CDON: variants seen among roughly 807,000 people sequenced by gnomAD.
CDON encodes cell adhesion molecule-related/down-regulated by oncogenes.
Under a neutral mutation model 120.9 loss-of-function variants are expected in CDON, and 73 were observed. The ratio of observed to expected loss-of-function variants is 0.60; its 90% CI spans 0.50 to 0.73. The LOEUF is 0.73. Among genes scored for constraint, CDON ranks in the 30% least tolerant of loss-of-function variants. The probability of loss-of-function intolerance (pLI) is 0.00; values close to 1 mark genes in which losing one functional copy is unlikely to be tolerated. For synonymous variants in CDON, 566 were observed against 573.5 expected, an observed-to-expected ratio of 0.99 and a Z score of 0.19; for missense variants, 1,470 against 1,587.3, an observed-to-expected ratio of 0.93 and a Z score of 1.26.
At chr11:125,996,295 A>C (rs1946780784) in intron 12 of CDON, among the ~76,000 whole-genome samples, 1 of 152,170 alleles carries the variant, frequency 6.6e-6, no homozygotes, top group Non-Finnish European at 1.5e-5. Flanking sequence ...ATTATGGTAT[A>C]TTTATTTATA....
chr11:126,024,352 C>T (rs756527738), intron 1 of CDON, among the ~76,000 whole-genome samples: 6 of 152,122 alleles, frequency 3.9e-5, no homozygotes, highest in Non-Finnish European at 8.8e-5. Context: ...CTGTAATCAC[C>T]CCGGAGACAG....
In CDON at chr11:125,984,002, T is replaced by G. The variant is rs1946388101; in HGVS notation, c.2865A>C (p.Ala955=). 6.2e-7 allele frequency: 1 copy of G among 1,614,112 alleles called. No individual in the cohort carries two copies. Among genetic ancestry groups the G allele is most frequent in the African/African-American group, 1.3e-5 (1 of 75,030 alleles). ...SLGSGGNVGP[A]TSPARSSDML... ...TGTCACTGCTTCTGGCAGGGCTGGT[T>G]GCAGGCCCCACATTTCCTCCACTTC... The change falls in exon 16 of 20, where the codon GCA becomes GCC. Residue 955 remains alanine, a synonymous_variant. Transcript: ENST00000531738.
intron 1 of CDON, among the ~76,000 whole-genome samples, chr11:126,038,135 C>T (rs1054100024): frequency 4.6e-5 from 7 of 152,034 alleles, no homozygotes; most frequent in African/African-American, 1.4e-4. Context: ...CAGTAGGAGA[C>T]GTGAAGTTCA....
At chr11:126,059,264 G>A (rs1463845480) in intron 1 of CDON, among the ~76,000 whole-genome samples, 3 of 152,132 alleles carry the variant, frequency 2.0e-5, no homozygotes, top group South Asian at 2.1e-4. Flanking sequence ...CTTGTGCTTC[G>A]GAGGGAAAGC....
chr11:125,977,027 C>A (rs968383786), intron 18 of CDON, among the ~76,000 whole-genome samples: 1 of 152,196 alleles, frequency 6.6e-6, no homozygotes, highest in East Asian at 1.9e-4. Flanking sequence ...TTAAGCAAGA[C>A]CACTTGTAAC....
chr11:126,010,344 C>T lies in CDON; in HGVS notation c.1549G>A (p.Val517Ile). The change falls in exon 8 of 20, where the codon GTT becomes ATT. Residue 517 changes from valine (V) to isoleucine (I), a missense_variant. By Grantham distance (29) the Val-to-Ile change is conservative (BLOSUM62 3). Transcript: ENST00000531738. The part of the protein sequence containing the change: ...GTTQAEASLM[V>I]VPFETNTKAE... ...ATAAATAATAATGGCAACTCACCAA[C>T]CATGAGAGATGCTTCTGCCTGTGTG... 6.3e-7 allele frequency: 1 copy of T among 1,599,574 alleles called. No homozygotes were observed. Among genetic ancestry groups the T allele is most frequent in the Non-Finnish European group, 8.5e-7 (1 of 1,170,866 alleles).
rs757779235 is a variant in CDON at position 126,001,687 on chromosome 11, G to C, written c.2158+32C>G. On this transcript the variant is annotated intron_variant, in intron 11 of 19. Transcript: ENST00000531738. ...AATCTGAAGCAGGTCAGTTATATTTGTAAAGAAACAATAAAATATTCTTCT... is the reference window on the plus strand; with the variant it reads ...AATCTGAAGCAGGTCAGTTATATTTCTAAAGAAACAATAAAATATTCTTCT... 2.5e-6 allele frequency: 4 copies of C among 1,600,600 alleles called. No homozygotes were observed. In the African/African-American group the frequency reaches 4.0e-5, roughly 16 times the overall value.
intron 1 of CDON, among the ~76,000 whole-genome samples, chr11:126,028,312 C>T (rs1362005557): frequency 6.6e-6 from 1 of 151,930 alleles, no homozygotes; most frequent in African/African-American, 2.4e-5. Flanking sequence ...TGTGATAATA[C>T]ATGTTAGGGT....
chr11:125,997,387 T>A lies in CDON; in HGVS notation c.2182A>T (p.Thr728Ser). ...SGVPEAPDRP[T>S]ISTASETSVY... ...GATGTCTCTGATGCAGTGGAGATGG[T>A]AGGCCGATCTGGTGCCTCTGGAACT... Residue 728 changes from threonine to serine, a missense_variant, in exon 12 of 20, where the codon ACC becomes TCC. Coordinates refer to ENST00000531738, the MANE Select transcript of CDON (RefSeq NM_001378964.1). 6.2e-7 allele frequency: 1 copy of A among 1,613,446 alleles called. No homozygotes were observed. Among genetic ancestry groups the A allele is most frequent in the South Asian group, 1.1e-5 (1 of 90,998 alleles).
chr11:126,059,953 A>C (rs1418864068), intron 1 of CDON, among the ~76,000 whole-genome samples: 1 of 151,918 alleles, frequency 6.6e-6, no homozygotes, highest in African/African-American at 2.4e-5. Context: ...AAACCAAGAA[A>C]CCAGTTTTTC....
chr11:126,021,914 G>C (rs1414445539), intron 2 of CDON, among the ~76,000 whole-genome samples: 1 of 151,902 alleles, frequency 6.6e-6, no homozygotes, highest in East Asian at 1.9e-4. Flanking sequence ...ACCAACCTGG[G>C]CAACATGGCA....
chr11:126,024,731 A>G (rs1947743801), intron 1 of CDON, among the ~76,000 whole-genome samples: 1 of 152,172 alleles, frequency 6.6e-6, no homozygotes, highest in Non-Finnish European at 1.5e-5. Flanking sequence ...TAAACGTATG[A>G]ACGCCTTGGC....
rs556127724 is a variant in CDON at position 125,976,104 on chromosome 11, G to A, written c.3356+2200C>T. Among the ~76,000 whole-genome samples the A allele has an allele frequency of 1.9e-4, 29 of 152,262 alleles. No homozygotes were observed. In the South Asian group the frequency reaches 5.4e-3, roughly 28 times the overall value. On this transcript the variant is annotated intron_variant, in intron 18 of 19. Transcript: ENST00000531738. The stretch of plus-strand genomic sequence containing the variant: ...TTTCTATATTTTGAGAGTAAACCAC[G>A]TATCATCTACCTTTCGGCATTCACA...
At chr11:126,004,278 G>A in intron 9 of CDON, 2 of 611,838 alleles carry the variant, frequency 3.3e-6, no homozygotes, top group Non-Finnish European at 5.8e-6. Context: ...AATTCTCACT[G>A]TAGAAAGACT....
At chr11:125,994,824 T>G (rs1487343654) in intron 13 of CDON, 47 bp downstream of exon 13, 1 of 1,529,704 alleles carries the variant, frequency 6.5e-7, no homozygotes, top group Non-Finnish European at 9.1e-7. Flanking sequence ...AATTGATTGT[T>G]AACATGACCA....
Position 125,989,688 on chromosome 11 carries a change from T to A in CDON, c.2722A>T (p.Asn908Tyr). The change falls in exon 15 of 20, where the codon AAT becomes TAT. Residue 908 changes from asparagine (N) to tyrosine (Y), a missense_variant. By Grantham distance (143) the Asn-to-Tyr change is moderately radical (BLOSUM62 -2). Transcript: ENST00000531738. Reference sequence around the variant, plus strand: ...CTAAATTCACTTTCTCCTCCTTCATTGAAGCATTGCATTTTAATGTCATAG... The same window carrying A: ...CTAAATTCACTTTCTCCTCCTTCATAGAAGCATTGCATTTTAATGTCATAG... ...TSYDIKMQCF[N>Y]EGGESEFSNV... 1 of 1,613,194 alleles carries A rather than the reference T, an allele frequency of 6.2e-7. No individual in the cohort carries two copies. The highest frequency in any genetic ancestry group is 8.5e-7 in the Non-Finnish European group (1 of 1,179,254).
rs1223588811 is a variant in CDON at position 126,001,746 on chromosome 11, G to T, written c.2131C>A (p.Leu711Ile). Residue 711 changes from leucine to isoleucine, a missense_variant, in exon 11 of 20, where the codon CTT (leucine) becomes ATT (isoleucine). Physicochemically the swap from Leu to Ile is conservative, Grantham distance 5. Coordinates refer to ENST00000531738, the MANE Select transcript of CDON (RefSeq NM_001378964.1). The stretch of plus-strand genomic sequence containing the variant: ...CCACTGTGCCTAGAGGAATCTGTAA[G>T]TACCACTCCAAAATTGTTGTTTGCA... ...EAANNNFGVV[L>I]TDSSRHSGVP... 4.3e-6 allele frequency: 7 copies of T among 1,613,638 alleles called. No individual in the cohort carries two copies. The highest frequency in any genetic ancestry group is 5.9e-6 in the Non-Finnish European group (7 of 1,179,576).
intron 7 of CDON, among the ~76,000 whole-genome samples, chr11:126,012,565 C>CTTTTTTTTTT (rs755134644): frequency 7.4e-6 from 1 of 135,150 alleles, no homozygotes. Flanking sequence ...CCATGCCTGG[C>CTTTTTTTTTT]TTTTTTTTTT....
In CDON at chr11:125,960,371, A is replaced by G. The variant is rs1310180842; in HGVS notation, c.*571T>C. 6.5e-6 allele frequency: 1 copy of G among 153,726 alleles called. No individual in the cohort carries two copies. Among genetic ancestry groups the G allele is most frequent in the Non-Finnish European group, 1.4e-5 (1 of 69,200 alleles). 9.5% of individuals were successfully genotyped at this position (153,726 alleles called of 1,614,324 possible). A position where few individuals can be genotyped will look rare whatever the true frequency, so the allele number is the denominator to read the frequency against. ...GCTGGACGTGGTGGCAGGTGCCTGT[A>G]GTCCCAGCTACTCAGGAGGCTGAGG... On this transcript the variant is annotated 3_prime_UTR_variant, in exon 20 of 20. Coordinates refer to ENST00000531738, the MANE Select transcript of CDON (RefSeq NM_001378964.1).
Sources: allele counts gnomAD v4.1 joint callset (sites outside exome capture counted in the v4.1 genomes callset), GRCh38; gene constraint gnomAD v4.1.1; transcripts MANE v1.5; gene names NCBI Gene and HGNC (gene_info 2026-07-23, HGNC 2026-07-21).